Variants in ADCY8 observed in about 807,000 individuals in gnomAD.
The protein encoded by ADCY8 is adenylate cyclase 8.
In ADCY8, 51 loss-of-function variants were observed where a neutral mutation model predicts 119.7. The ratio of observed to expected loss-of-function variants is 0.43; its 90% confidence interval spans 0.34 to 0.54. The LOEUF (loss-of-function observed/expected upper bound fraction) is 0.54, where lower values mean the gene tolerates loss of function less well. ADCY8 is among the 20% of genes least tolerant of loss of function. The probability of loss-of-function intolerance (pLI) is 0.03; values close to 1 mark genes in which losing one functional copy is unlikely to be tolerated. For synonymous variants in ADCY8, 665 were observed against 651.0 expected, an observed-to-expected ratio of 1.02 and a Z score of -0.33; for missense variants, 1,383 against 1,598.8, an observed-to-expected ratio of 0.87 and a Z score of 2.30.
At chr8:130,899,299 C>G (rs945919131) in intron 7 of ADCY8, among the ~76,000 whole-genome samples, 7 of 152,168 alleles carry the variant, frequency 4.6e-5, no homozygotes, top group Non-Finnish European at 1.0e-4. Context: ...CTGCATTCCT[C>G]ACTCCTTTGA....
intron 11 of ADCY8, among the ~76,000 whole-genome samples, chr8:130,843,474 GTCCACCTTGGTT>G (rs1412907468): frequency 6.6e-6 from 1 of 152,146 alleles, no homozygotes; most frequent in African/African-American, 2.4e-5. Context: ...AAATCAGGGA[GTCCACCTTGGTT>G]TCCTCTTCCT....
At chr8:130,792,890 G>A (rs535106839) in intron 15 of ADCY8, among the ~76,000 whole-genome samples, 2 of 152,252 alleles carry the variant, frequency 1.3e-5, no homozygotes, top group South Asian at 4.1e-4. Context: ...ATGAGGTCCT[G>A]TAATATTTGG....
chr8:130,945,411 A>T (rs1821078663), intron 3 of ADCY8, among the ~76,000 whole-genome samples: 1 of 152,242 alleles, frequency 6.6e-6, no homozygotes, highest in Non-Finnish European at 1.5e-5. Flanking sequence ...ACATATGGTC[A>T]TATGCACAGA....
intron 8 of ADCY8, among the ~76,000 whole-genome samples, chr8:130,877,918 C>T (rs940363682): frequency 2.6e-5 from 4 of 152,012 alleles, no homozygotes; most frequent in African/African-American, 9.7e-5. Flanking sequence ...CCCTGGGATA[C>T]AAGACGCATT....
intron 12 of ADCY8, among the ~76,000 whole-genome samples, chr8:130,824,942 G>A (rs752012423): frequency 2.6e-4 from 40 of 152,152 alleles, no homozygotes; most frequent in Admixed American, 6.5e-4. Flanking sequence ...ATCCATTCTT[G>A]TCCCCATCTA....
intron 2 of ADCY8, among the ~76,000 whole-genome samples, chr8:130,957,406 T>A (rs1160941777): frequency 6.6e-6 from 1 of 152,198 alleles, no homozygotes; most frequent in East Asian, 1.9e-4. Context: ...ATGACTTGGG[T>A]GCTGTTGAAG....
intron 7 of ADCY8, among the ~76,000 whole-genome samples, chr8:130,887,098 A>G (rs1244821832): frequency 2.0e-5 from 3 of 152,102 alleles, no homozygotes; most frequent in African/African-American, 7.2e-5. Flanking sequence ...TCTCATATTA[A>G]TGTGAACTGG....
chr8:131,039,920 GT>G lies in ADCY8; in HGVS notation c.413del (p.Asn138ThrfsTer47). The G allele has an allele frequency of 6.2e-7, 1 of 1,610,414 alleles. No homozygotes were observed. Among genetic ancestry groups the G allele is most frequent in the Admixed American group, 1.7e-5 (1 of 59,442 alleles). On this transcript the variant is annotated frameshift_variant, in exon 1 of 18. Coordinates refer to ENST00000286355, the MANE Select transcript of ADCY8 (RefSeq NM_001115.3). LOFTEE classifies it high-confidence loss of function. ...AGCCCCCATTAAGAAAGAAATCCGA[GT>G]TGCTAGGGGCACAGTCAAGGTGCAG... ...GFLHLDCAPSNSDFFLNGGYS... is the reference protein window; with the variant it reads ...GFLHLDCAPSXSDFFLNGGYS...
At chr8:130,977,455 T>C (rs1245155597) in intron 2 of ADCY8, among the ~76,000 whole-genome samples, 1 of 152,226 alleles carries the variant, frequency 6.6e-6, no homozygotes, top group East Asian at 1.9e-4. Flanking sequence ...ACATCTCTAT[T>C]GGTTTCTCCC....
In ADCY8 at chr8:130,830,821, A is replaced by G. The variant is rs554861636; in HGVS notation, c.2675+5456T>C. Among the ~76,000 whole-genome samples the G allele has an allele frequency of 3.9e-5, 6 of 152,354 alleles. No homozygotes were observed. The East Asian group carries it at 1.2e-3, about 29-fold the overall frequency. On this transcript the variant is annotated intron_variant, in intron 12 of 17. Coordinates refer to ENST00000286355, the MANE Select transcript of ADCY8 (RefSeq NM_001115.3). ...TTTGTTGCCTCCCTGAATTAAAAACATGCCCACTGATGAGTGGAAACAGGT... is the reference window on the plus strand; with the variant it reads ...TTTGTTGCCTCCCTGAATTAAAAACGTGCCCACTGATGAGTGGAAACAGGT...
chr8:130,964,418 T>G (rs1212316981), intron 2 of ADCY8, among the ~76,000 whole-genome samples: 1 of 135,844 alleles, frequency 7.4e-6, no homozygotes, highest in Non-Finnish European at 1.5e-5. Flanking sequence ...AGTTTTATCA[T>G]CTGTTAGTGT....
chr8:130,850,444 G>A (rs565024357), intron 9 of ADCY8, among the ~76,000 whole-genome samples: 12 of 152,194 alleles, frequency 7.9e-5, no homozygotes, highest in African/African-American at 2.9e-4. Flanking sequence ...TAGTCAGTCT[G>A]TGATCTAAAA....
chr8:130,952,700 C>G (rs1821310613), intron 2 of ADCY8, among the ~76,000 whole-genome samples: 1 of 152,052 alleles, frequency 6.6e-6, no homozygotes, highest in South Asian at 2.1e-4. Context: ...AGAATGTGTT[C>G]TGGGGAGGAG....
chr8:130,797,343 C>T (rs1339197395), intron 15 of ADCY8, among the ~76,000 whole-genome samples: 7 of 152,072 alleles, frequency 4.6e-5, no homozygotes, highest in Non-Finnish European at 1.0e-4. Flanking sequence ...CACTGGACAC[C>T]CCTGCTATAA....
intron 5 of ADCY8, among the ~76,000 whole-genome samples, chr8:130,927,010 G>A (rs1820491874): frequency 6.6e-6 from 1 of 150,922 alleles, no homozygotes; most frequent in South Asian, 2.1e-4. Flanking sequence ...TGGACATTCA[G>A]GTTGATTGCA....
intron 2 of ADCY8, among the ~76,000 whole-genome samples, chr8:130,962,412 G>A (rs945222656): frequency 7.2e-5 from 11 of 152,164 alleles, no homozygotes; most frequent in African/African-American, 2.4e-4. Context: ...CTGTGGCCCT[G>A]GGTGGCCTTT....
chr8:130,886,175 A>G (rs6980959), intron 7 of ADCY8, among the ~76,000 whole-genome samples: 123,411 of 152,010 alleles, frequency 0.81, 50,470 homozygotes, highest in African/African-American at 0.91. Context: ...TTCTATAGCA[A>G]GGCTCATCAC....
intron 5 of ADCY8, among the ~76,000 whole-genome samples, chr8:130,922,244 G>A (rs1171936536): frequency 6.8e-6 from 1 of 147,730 alleles, no homozygotes; most frequent in Non-Finnish European, 1.5e-5. Flanking sequence ...TCATTCTTGG[G>A]TGTTTCTCAC....
intron 14 of ADCY8, among the ~76,000 whole-genome samples, chr8:130,807,530 T>C (rs962837840): frequency 2.0e-5 from 3 of 151,958 alleles, no homozygotes; most frequent in Admixed American, 6.6e-5. Context: ...GGGAGTGGAT[T>C]TCTTCTTTCT....
Sources: gnomAD v4.1 joint callset for allele counts (sites outside exome capture counted in the v4.1 genomes callset) on GRCh38, gnomAD v4.1.1 for gene constraint, MANE v1.5 for transcripts, NCBI Gene and HGNC (gene_info 2026-07-23, HGNC 2026-07-21) for gene names.